IL17RB: variants seen among roughly 807,000 people sequenced by gnomAD.
IL17RB encodes the protein interleukin 17 receptor B.
Under a neutral mutation model 43.9 loss-of-function variants are expected in IL17RB, and 36 were observed. The observed-to-expected ratio is 0.82, with a 90% CI of 0.63 to 1.08. The LOEUF (loss-of-function observed/expected upper bound fraction) is 1.08. Ranked by LOEUF, IL17RB falls within the 50% of genes least tolerant of loss-of-function variation. The pLI is 0.00. For missense variants in IL17RB, 613 were observed against 613.6 expected, an observed-to-expected ratio of 1.00 and a Z score of 0.01; for synonymous variants, 225 against 225.4, an observed-to-expected ratio of 1.00 and a Z score of 0.02.
chr3:53,848,087 A>G (rs1285437373), intron 1 of IL17RB, among the ~76,000 whole-genome samples: 1 of 152,242 alleles, frequency 6.6e-6, no homozygotes, highest in Non-Finnish European at 1.5e-5. Context: ...ACGAGCAGCT[A>G]ACTTCAAACG....
At chr3:53,855,247 A>C in intron 5 of IL17RB, 47 bp from the exon 6 acceptor site, 3 of 1,324,482 alleles carry the variant, frequency 2.3e-6, no homozygotes, top group Non-Finnish European at 2.2e-6. Flanking sequence ...GGGGTGGGGC[A>C]GAGATACCTT....
chr3:53,858,276 AGGGGGCAGGCACCAGCCAG>A (rs1699422312), intron 8 of IL17RB: 2 of 906,320 alleles, frequency 2.2e-6, no homozygotes, highest in African/African-American at 3.7e-5. Flanking sequence ...AACACACCAG[AGGGGGCAGGCACCAGCCAG>A]GGTATGATGG....
intron 10 of IL17RB, chr3:53,860,972 C>T (rs1699542870): frequency 1.3e-5 from 2 of 152,192 alleles, no homozygotes; most frequent in Non-Finnish European, 2.9e-5. Flanking sequence ...GGTATTAAAT[C>T]ATAACTGCAT....
intron 1 of IL17RB, among the ~76,000 whole-genome samples, chr3:53,847,148 A>G (rs909684138): frequency 6.6e-5 from 10 of 152,150 alleles, no homozygotes; most frequent in African/African-American, 2.4e-4. Flanking sequence ...GATCGAGGGA[A>G]TCTTCTGGGT....
rs1363553741 is a variant in IL17RB at position 53,860,147 on chromosome 3, G to A, written c.865G>A (p.Gly289Ser). 1 of 1,614,008 alleles carries A rather than the reference G, an allele frequency of 6.2e-7. No homozygotes were observed. Among genetic ancestry groups the A allele is most frequent in the Admixed American group, 1.7e-5 (1 of 60,018 alleles). Reference protein sequence around the residue: ...PLDNNKSKPGGWLPLLLLSLL... With the variant: ...PLDNNKSKPGSWLPLLLLSLL... ...TTTTCCAGACAAAAGCAAGCCGGGA[G>A]GCTGGCTGCCTCTCCTCCTGCTGTC... The change falls in exon 10 of 11, where the codon GGC (glycine) becomes AGC (serine). Residue 289 changes from glycine to serine, a missense_variant. Transcript: ENST00000288167.
intron 6 of IL17RB, among the ~76,000 whole-genome samples, chr3:53,856,641 G>A (rs560928179): frequency 2.2e-4 from 33 of 152,304 alleles, no homozygotes; most frequent in African/African-American, 7.5e-4. Context: ...GCAAAGCAGC[G>A]ATGTACGGAT....
intron 6 of IL17RB, among the ~76,000 whole-genome samples, chr3:53,856,589 T>G (rs1020211848): frequency 6.6e-6 from 1 of 152,212 alleles, no homozygotes; most frequent in African/African-American, 2.4e-5. Flanking sequence ...GCAGAACCAA[T>G]CCGTGCCTCC....
At chr3:53,848,552 T>C in intron 1 of IL17RB, 112 bp from the exon 2 acceptor site, 1 of 1,027,642 alleles carries the variant, frequency 9.7e-7, no homozygotes, top group Admixed American at 1.7e-5. Flanking sequence ...TCTTTGAAAG[T>C]TTGTCACTTG....
intron 1 of IL17RB, among the ~76,000 whole-genome samples, chr3:53,847,803 GA>G (rs11427758): frequency 1.3e-5 from 2 of 151,192 alleles, no homozygotes; most frequent in Admixed American, 6.6e-5. Context: ...TCAGAAAAAG[GA>G]AAAAAAAATC....
chr3:53,853,142 T>G, intron 5 of IL17RB, 145 bp downstream of exon 5: 1 of 907,624 alleles, frequency 1.1e-6, no homozygotes, highest in Non-Finnish European at 1.7e-6. Flanking sequence ...GACACAGTAG[T>G]AACCATACTT....
intron 10 of IL17RB, among the ~76,000 whole-genome samples, chr3:53,863,738 CA>C (rs914790751): frequency 6.6e-6 from 1 of 152,008 alleles, no homozygotes; most frequent in African/African-American, 2.4e-5. Context: ...TGACCCGACT[CA>C]AAATGTGAAG....
intron 10 of IL17RB, among the ~76,000 whole-genome samples, chr3:53,862,171 C>G (rs1375906170): frequency 6.6e-6 from 1 of 152,110 alleles, no homozygotes; most frequent in Non-Finnish European, 1.5e-5. Flanking sequence ...TTGGACAATG[C>G]CCCCAGCCAC....
At chr3:53,858,359 G>A in intron 8 of IL17RB, 1 of 1,052,390 alleles carries the variant, frequency 9.5e-7, no homozygotes, top group African/African-American at 1.7e-5. Flanking sequence ...GGACTTGCAT[G>A]TCCTAAAGCA....
intron 2 of IL17RB, among the ~76,000 whole-genome samples, chr3:53,849,097 G>T (rs1159280740): frequency 6.6e-6 from 1 of 152,242 alleles, no homozygotes. Context: ...TAGGAAGAGT[G>T]AGCTGGAGGA....
intron 5 of IL17RB, among the ~76,000 whole-genome samples, chr3:53,854,162 G>T (rs1559777245): frequency 2.0e-5 from 3 of 152,132 alleles, no homozygotes. Context: ...CTCCCAAAGT[G>T]CTGGGATTAC....
At chr3:53,848,758 A>T (rs1476991774) in intron 2 of IL17RB, 70 bp downstream of exon 2, 2 of 1,482,506 alleles carry the variant, frequency 1.3e-6, no homozygotes, top group African/African-American at 1.4e-5. Flanking sequence ...AGGAAGCCTA[A>T]TATAGGCAAT....
At chr3:53,862,317 T>C (rs534742886) in intron 10 of IL17RB, among the ~76,000 whole-genome samples, 17 of 152,222 alleles carry the variant, frequency 1.1e-4, no homozygotes, top group Admixed American at 1.0e-3. Context: ...ATGGAAAGGA[T>C]TGTCAACACT....
chr3:53,848,747 T>C, intron 2 of IL17RB, 59 bp downstream of exon 2: 2 of 1,568,390 alleles, frequency 1.3e-6, no homozygotes, highest in African/African-American at 1.4e-5. Flanking sequence ...GTTGGACTTT[T>C]AGGAAGCCTA....
intron 6 of IL17RB, among the ~76,000 whole-genome samples, chr3:53,856,361 T>C (rs1192695999): frequency 1.3e-5 from 2 of 152,272 alleles, no homozygotes; most frequent in African/African-American, 4.8e-5. Flanking sequence ...AGCCATTTCC[T>C]TCTTTCTTTG....
Sources: gnomAD v4.1 joint callset for allele counts (sites outside exome capture counted in the v4.1 genomes callset) on GRCh38, gnomAD v4.1.1 for gene constraint, MANE v1.5 for transcripts, NCBI Gene and HGNC (gene_info 2026-07-23, HGNC 2026-07-21) for gene names.